Variants in NBPF11 observed in about 807,000 individuals in gnomAD.
The protein encoded by NBPF11 is NBPF family member NBPF11.
A neutral mutation model predicts 93.9 loss-of-function variants in NBPF11; 72 were observed. The ratio of observed to expected loss-of-function variants is 0.77; its 90% CI spans 0.63 to 0.93. The LOEUF (loss-of-function observed/expected upper bound fraction) is 0.93, where lower values mean the gene tolerates loss of function less well. Ranked by LOEUF, NBPF11 falls within the 40% of genes least tolerant of loss-of-function variation. NBPF11 has a pLI of 0.00. For synonymous variants in NBPF11, 224 were observed against 304.9 expected, an observed-to-expected ratio of 0.73 and a Z score of 2.76; for missense variants, 705 against 802.2, an observed-to-expected ratio of 0.88 and a Z score of 1.46.
At position 148,105,721 on chromosome 1, in the gene NBPF11, G is replaced by GACACACAC. The variant is rs781939834; in HGVS notation, c.2304-201_2304-194dup. On this transcript the variant is annotated intron_variant, in intron 21 of 23. Transcript: ENST00000682118. ...TGGAAAAGAATGAAAGAGAAAGACA[G>GACACACAC]ACACACACACACACACACACACACA... 6.1e-3 allele frequency among the ~76,000 whole-genome samples: 585 copies of GACACACAC among 95,724 alleles called. 2 individuals are homozygous for GACACACAC. The highest frequency in any genetic ancestry group is 0.026 in the African/African-American group (466 of 17,676). The allele number at this position is 95,724 out of a possible 152,430, so 62.8% of individuals were successfully genotyped here.
intron 1 of NBPF11, among the ~76,000 whole-genome samples, chr1:148,145,202 T>A (rs1672801868): frequency 1.5e-5 from 1 of 68,670 alleles, no homozygotes; most frequent in Admixed American, 1.6e-4. Flanking sequence ...TTTTTCTTTC[T>A]TTTTTTTTTT....
At chr1:148,146,844 C>T (rs1464845012) in intron 1 of NBPF11, 8 of 1,613,736 alleles carry the variant, frequency 5.0e-6, no homozygotes, top group African/African-American at 2.7e-5. Flanking sequence ...CCTCCGGCTA[C>T]GGTGCCAGCT....
At chr1:148,146,674 G>A in intron 1 of NBPF11, 2 of 1,611,778 alleles carry the variant, frequency 1.2e-6, no homozygotes, top group South Asian at 1.1e-5. Context: ...CACCAAGAGC[G>A]CCCGCGGCAA....
chr1:148,109,451 A>G, intron 16 of NBPF11, 116 bp from the exon 17 acceptor site: 1 of 801,224 alleles, frequency 1.2e-6, no homozygotes, highest in Non-Finnish European at 2.1e-6. Flanking sequence ...TGAAAACAGG[A>G]GACTTTGAGA....
chr1:148,149,213 G>C, intron 1 of NBPF11: 8 of 1,548,306 alleles, frequency 5.2e-6, no homozygotes, highest in East Asian at 4.5e-5. Context: ...CATCGGCACG[G>C]TGCCCACCAT....
intron 2 of NBPF11, among the ~76,000 whole-genome samples, chr1:148,140,061 G>C (rs1187946890): frequency 2.6e-5 from 4 of 151,862 alleles, no homozygotes; most frequent in African/African-American, 9.7e-5. Flanking sequence ...ATAGTGTGAA[G>C]TTGGTCAAAA....
At chr1:148,130,989 C>G (rs2149264307) in intron 4 of NBPF11, among the ~76,000 whole-genome samples, 1 of 151,574 alleles carries the variant, frequency 6.6e-6, no homozygotes, top group South Asian at 2.1e-4. Flanking sequence ...GTGGCTATAC[C>G]ATGTATGTTT....
At chr1:148,133,628 A>C (rs1220428347) in intron 4 of NBPF11, among the ~76,000 whole-genome samples, 6 of 152,002 alleles carry the variant, frequency 3.9e-5, no homozygotes, top group Non-Finnish European at 8.8e-5. Flanking sequence ...GTAATATATA[A>C]AATGATATTT....
chr1:148,144,605 G>A (rs1335914736), intron 1 of NBPF11, among the ~76,000 whole-genome samples: 1 of 151,806 alleles, frequency 6.6e-6, no homozygotes, highest in Non-Finnish European at 1.5e-5. Flanking sequence ...TAACAATAAT[G>A]AATACTATAT....
chr1:148,146,501 C>A (rs1207905930), intron 1 of NBPF11: 12 of 1,603,746 alleles, frequency 7.5e-6, no homozygotes, highest in Non-Finnish European at 5.9e-6. Flanking sequence ...GCCACCTACT[C>A]CCTGGTGCCT....
chr1:148,142,066 GAGGAAGAAAGGA>G (rs1672277138), intron 2 of NBPF11, among the ~76,000 whole-genome samples: 1 of 124,786 alleles, frequency 8.0e-6, no homozygotes, highest in African/African-American at 3.3e-5. Context: ...GGGAGGAAGG[GAGGAAGAAAGGA>G]AGGGAGGGAA....
At chr1:148,106,146 A>G in intron 21 of NBPF11, 35 bp downstream of exon 21, 1 of 770,034 alleles carries the variant, frequency 1.3e-6, no homozygotes, top group Non-Finnish European at 2.4e-6. Flanking sequence ...TCCAGATGTC[A>G]ACACAGAAGT....
rs1184872175 is a variant in NBPF11, at chr1:148,121,817, ATTC to A, written c.778+235_778+237del. ...GCACCATGCCTGCCTAATTTTTTGT[ATTC>A]TTCGTAAAGATGGGTTTCACCATAT... On this transcript the variant is annotated intron_variant, in intron 9 of 23. Coordinates refer to ENST00000682118, the MANE Select transcript of NBPF11 (RefSeq NM_001385469.3). 3.8e-4 allele frequency among the ~76,000 whole-genome samples: 58 copies of A among 151,966 alleles called. 1 individual carries two copies. Among genetic ancestry groups the A allele is most frequent in the African/African-American group, 1.4e-3 (57 of 41,352 alleles).
chr1:148,105,496 G>A lies in NBPF11; in HGVS notation c.2336C>T (p.Pro779Leu), dbSNP rs1663330277. The A allele has an allele frequency of 4.8e-6, 5 of 1,049,926 alleles. 1 individual carries two copies. The highest frequency in any genetic ancestry group is 5.7e-6 in the Non-Finnish European group (4 of 706,234). The allele number at this position is 1,049,926 out of a possible 1,614,324, so 65.0% of individuals were successfully genotyped here. ...ATCCAGTGAGTCCTGCAAGACTTCA[G>A]GCTCTACTACCTCCAGCAGCTCCCT... is the stretch of plus-strand genomic sequence containing the variant. ...LSRELLEVVE[P>L]EVLQDSLDVI... The change falls in exon 22 of 24, where the codon CCT becomes CTT. Residue 779 changes from proline (P) to leucine (L), a missense_variant. Coordinates refer to ENST00000682118, the MANE Select transcript of NBPF11 (RefSeq NM_001385469.3).
chr1:148,141,786 C>A (rs1672208125), intron 2 of NBPF11, among the ~76,000 whole-genome samples: 1 of 151,594 alleles, frequency 6.6e-6, no homozygotes, highest in Non-Finnish European at 1.5e-5. Context: ...CCAGTGGCAC[C>A]CACAAATCAG....
At chr1:148,119,382 A>G (rs1667296963) in intron 10 of NBPF11, among the ~76,000 whole-genome samples, 1 of 152,082 alleles carries the variant, frequency 6.6e-6, no homozygotes. Flanking sequence ...GAGATTGACA[A>G]GAAATAGCTC....
At chr1:148,150,942 T>G (rs1298692748) in intron 1 of NBPF11, among the ~76,000 whole-genome samples, 3 of 151,868 alleles carry the variant, frequency 2.0e-5, no homozygotes, top group East Asian at 3.9e-4. Context: ...TTAGCCAGGA[T>G]GGTCTCAATC....
intron 1 of NBPF11, among the ~76,000 whole-genome samples, chr1:148,148,562 GT>G (rs1647341767): frequency 6.6e-6 from 1 of 152,028 alleles, no homozygotes; most frequent in Non-Finnish European, 1.5e-5. Context: ...GTGGGAGGGG[GT>G]GCCACCTCCG....
intron 23 of NBPF11, 117 bp from the exon 24 acceptor site, chr1:148,104,029 T>C: frequency 6.3e-7 from 1 of 1,597,580 alleles, no homozygotes; most frequent in East Asian, 2.2e-5. Context: ...ACAGATCCAT[T>C]AATGAGGTAA....
Sources: allele counts gnomAD v4.1 joint callset (sites outside exome capture counted in the v4.1 genomes callset), GRCh38; gene constraint gnomAD v4.1.1; transcripts MANE v1.5; gene names NCBI Gene and HGNC (gene_info 2026-07-23, HGNC 2026-07-21).